Variants in CPSF7 observed in about 807,000 individuals in gnomAD.
CPSF7 encodes cleavage and polyadenylation specificity factor subunit 7.
A neutral mutation model predicts 44.3 loss-of-function variants in CPSF7; 1 was observed. The ratio of observed to expected loss-of-function variants is 0.02; its 90% CI spans 0.01 to 0.11. The LOEUF is 0.11. Ranked by LOEUF, CPSF7 falls within the 10% of genes least tolerant of loss-of-function variation. The probability of loss-of-function intolerance (pLI) is 1.00; values close to 1 mark genes in which losing one functional copy is unlikely to be tolerated. For missense variants in CPSF7, 443 were observed against 607.2 expected (o/e 0.73, Z 2.84); for synonymous variants, 202 against 222.0 (o/e 0.91, Z 0.80).
At chr11:61,414,175 A>C (rs1368444917) in intron 7 of CPSF7, among the ~76,000 whole-genome samples, 1 of 135,248 alleles carries the variant, frequency 7.4e-6, no homozygotes, top group African/African-American at 2.8e-5. Context: ...TTTGAGACAC[A>C]GTTTCACTCT....
At chr11:61,411,362 A>G (rs1217940713) in intron 8 of CPSF7, among the ~76,000 whole-genome samples, 1 of 152,216 alleles carries the variant, frequency 6.6e-6, no homozygotes. Context: ...TAATCTTTAC[A>G]ACAGGTCTGT....
rs115943286 is a variant in CPSF7 at position 61,428,171 on chromosome 11, C to A, written c.54+1011G>T. Among the ~76,000 whole-genome samples, 340 of 152,240 alleles carry A rather than the reference C, an allele frequency of 2.2e-3. 1 individual carries two copies. Among genetic ancestry groups the A allele is most frequent in the African/African-American group, 7.7e-3 (321 of 41,566 alleles). On this transcript the variant is annotated intron_variant, in intron 2 of 9. Coordinates refer to ENST00000439958, the MANE Select transcript of CPSF7 (RefSeq NM_001142565.3). ...AACTTAACTGCATGGAAGATTATTT[C>A]TTTGAGAGAATTTTTCTTGTGTTTT...
At chr11:61,415,837 T>G (rs1027010072) in intron 6 of CPSF7, 53 bp from the exon 7 acceptor site, 14 of 1,294,692 alleles carry the variant, frequency 1.1e-5, no homozygotes, top group African/African-American at 5.8e-5. Context: ...TTATTTTTAC[T>G]GTACTCTACA....
chr11:61,411,138 G>A, intron 8 of CPSF7, 33 bp from the exon 9 acceptor site: 1 of 1,563,668 alleles, frequency 6.4e-7, no homozygotes, highest in Non-Finnish European at 8.6e-7. Context: ...TCACTCAGAA[G>A]GCCTACCACT....
rs867362852 is a variant in CPSF7, at chr11:61,419,979, G to C, written c.493C>G (p.Leu165Val). 1.9e-6 allele frequency: 3 copies of C among 1,614,074 alleles called. No individual in the cohort carries two copies. In the Middle Eastern group the frequency reaches 5.0e-4, roughly 266 times the overall value. ...VDVRPATRQN[L>V]SQFEAQARKR... ...CGAGCCTGTGCCTCAAACTGTGACA[G>C]GTTCTGCCGGGTGGCCGGCCTCACG... is the stretch of plus-strand genomic sequence containing the variant. Residue 165 changes from leucine to valine, a missense_variant, in exon 5 of 10, where the codon CTG becomes GTG. Leu to Val is a conservative substitution (Grantham distance 32). Transcript: ENST00000439958.
rs1859825397 is a variant in CPSF7, at chr11:61,411,250, G to GA, written c.1227-146dup. On this transcript the variant is annotated intron_variant, in intron 8 of 9. Coordinates refer to ENST00000439958, the MANE Select transcript of CPSF7 (RefSeq NM_001142565.3). ...TGCTGTCTGAGGATTTTAGCTCTTTGAGGACTACTCTTTTTTGGGAAGATG... is the reference window on the plus strand; with the variant it reads ...TGCTGTCTGAGGATTTTAGCTCTTTGAAGGACTACTCTTTTTTGGGAAGATG... 7 of 753,042 alleles carry GA rather than the reference G, an allele frequency of 9.3e-6. No individual in the cohort carries two copies. The East Asian group carries it at 2.0e-4, about 21-fold the overall frequency. 46.6% of individuals were successfully genotyped at this position (753,042 alleles called of 1,614,324 possible).
At chr11:61,421,636 G>C in intron 2 of CPSF7, 28 bp from the exon 3 acceptor site, 2 of 1,524,358 alleles carry the variant, frequency 1.3e-6, no homozygotes, top group South Asian at 2.3e-5. Flanking sequence ...GGCAAAGGTA[G>C]GTCTGCAAAC....
In CPSF7 at chr11:61,402,796, C is replaced by A. The variant is rs988519302; in HGVS notation, c.*1914G>T. The A allele has an allele frequency of 6.6e-6, 1 of 152,524 alleles. No individual in the cohort carries two copies. Among genetic ancestry groups the A allele is most frequent in the Non-Finnish European group, 1.5e-5 (1 of 68,036 alleles). 9.4% of individuals were successfully genotyped at this position (152,524 alleles called of 1,614,324 possible). A position where few individuals can be genotyped will look rare whatever the true frequency, so the allele number is the denominator to read the frequency against. On this transcript the variant is annotated 3_prime_UTR_variant, in exon 10 of 10. Transcript: ENST00000439958. ...AGAAAGACAAACAAATCACCGACAA[C>A]AGGGGGACGGGACCTTGGCCTTTTT...
At position 61,404,860 on chromosome 11, in the gene CPSF7, A is replaced by C. The variant is rs540901881; in HGVS notation, c.*6-156T>G. On this transcript the variant is annotated intron_variant, in intron 9 of 9. Transcript: ENST00000439958. ...TGCAAGTCTGGGAAAACAAAGCAGG[A>C]CTGTCTGACACTAGAAGTGGTGAGG... Among the ~76,000 whole-genome samples the C allele has an allele frequency of 1.4e-4, 21 of 152,322 alleles. No individual in the cohort carries two copies. In the South Asian group the frequency reaches 4.4e-3, roughly 32 times the overall value.
In CPSF7 at chr11:61,428,160, G is replaced by T. The variant is rs80123412; in HGVS notation, c.54+1022C>A. On this transcript the variant is annotated intron_variant, in intron 2 of 9. Coordinates refer to ENST00000439958, the MANE Select transcript of CPSF7 (RefSeq NM_001142565.3). ...CAAGACTGAAAAACTTAACTGCATG[G>T]AAGATTATTTCTTTGAGAGAATTTT... Among the ~76,000 whole-genome samples, 881 of 152,306 alleles carry T rather than the reference G, an allele frequency of 5.8e-3. 58 individuals are homozygous for T. The East Asian group carries it at 0.14, about 24-fold the overall frequency.
At chr11:61,429,762 C>T in intron 1 of CPSF7, 152 bp downstream of exon 1, 9 of 1,546,870 alleles carry the variant, frequency 5.8e-6, no homozygotes, top group Non-Finnish European at 7.9e-6. Flanking sequence ...CAAACCCGGC[C>T]CGGCGCGCTC....
Position 61,415,986 on chromosome 11 carries a change from A to G in CPSF7, c.938+119T>C, listed in dbSNP as rs558800020. 9 of 1,039,262 alleles carry G rather than the reference A, an allele frequency of 8.7e-6. No homozygotes were observed. The African/African-American group carries it at 1.3e-4, about 15-fold the overall frequency. The allele number at this position is 1,039,262 out of a possible 1,614,324, so 64.4% of individuals were successfully genotyped here. On this transcript the variant is annotated intron_variant, in intron 6 of 9. Coordinates refer to ENST00000439958, the MANE Select transcript of CPSF7 (RefSeq NM_001142565.3). ...CTACTTCCCAGGAGTCAATGCTATG[A>G]TAACAGAATGTCTATAAGGGAAAGA...
At chr11:61,404,985 C>T (rs957668693) in intron 9 of CPSF7, among the ~76,000 whole-genome samples, 3 of 152,116 alleles carry the variant, frequency 2.0e-5, no homozygotes, top group Non-Finnish European at 2.9e-5. Flanking sequence ...GGTCTCTGAA[C>T]GTTCGACTGA....
At chr11:61,408,383 A>T (rs1464331272) in intron 9 of CPSF7, among the ~76,000 whole-genome samples, 1 of 152,138 alleles carries the variant, frequency 6.6e-6, no homozygotes, top group Non-Finnish European at 1.5e-5. Context: ...CTGGGATTTC[A>T]GGTGTGAGCC....
chr11:61,429,611 G>A (rs942960524), intron 1 of CPSF7: 38 of 873,648 alleles, frequency 4.3e-5, no homozygotes, highest in African/African-American at 3.0e-4. Context: ...GGCGAAGCCC[G>A]CAGCCCCTAT....
At chr11:61,415,592 C>T (rs549866271) in intron 7 of CPSF7, 74 bp downstream of exon 7, 2 of 959,118 alleles carry the variant, frequency 2.1e-6, no homozygotes, top group Non-Finnish European at 3.4e-6. Context: ...TGAACTTTTG[C>T]CAGTAGAAAT....
intron 2 of CPSF7, among the ~76,000 whole-genome samples, chr11:61,426,200 G>A (rs866710955): frequency 6.6e-6 from 1 of 152,230 alleles, no homozygotes; most frequent in African/African-American, 2.4e-5. Context: ...TGCACATGAA[G>A]GGCTTCCTGT....
At chr11:61,428,964 G>T in intron 2 of CPSF7, 1 of 378,850 alleles carries the variant, frequency 2.6e-6, no homozygotes, top group Admixed American at 4.2e-5. Flanking sequence ...CTTTTTATTT[G>T]CTCTTAAATC....
At chr11:61,420,692 G>A in intron 3 of CPSF7, 119 bp from the exon 4 acceptor site, 2 of 737,732 alleles carry the variant, frequency 2.7e-6, no homozygotes, top group Admixed American at 2.6e-5. Flanking sequence ...CAAAAGCCTG[G>A]CAATATTTCA....
Sources: gnomAD v4.1 joint callset for allele counts (sites outside exome capture counted in the v4.1 genomes callset) on GRCh38, gnomAD v4.1.1 for gene constraint, MANE v1.5 for transcripts, NCBI Gene and HGNC (gene_info 2026-07-23, HGNC 2026-07-21) for gene names.